TOX3: variants seen among roughly 807,000 people sequenced by gnomAD.
The protein encoded by TOX3 is CAG trinucleotide repeat-containing gene F9 protein.
A neutral mutation model predicts 64.3 loss-of-function variants in TOX3; 22 were observed. That is an observed-to-expected ratio of 0.34 (90% CI 0.24 to 0.49). The LOEUF (loss-of-function observed/expected upper bound fraction) is 0.49. Ranked by LOEUF, TOX3 falls within the 20% of genes least tolerant of loss-of-function variation. The pLI is 0.99. For synonymous variants in TOX3, 291 were observed against 273.6 expected (o/e 1.06, Z -0.63); for missense variants, 661 against 714.4 (o/e 0.93, Z 0.85).
intron 1 of TOX3, among the ~76,000 whole-genome samples, chr16:52,488,537 C>A (rs43143): frequency 6.6e-6 from 1 of 152,128 alleles, no homozygotes; most frequent in East Asian, 1.9e-4. Context: ...TGTTTGGATG[C>A]AATTTTTTCT....
At chr16:52,460,904 G>A (rs1157776683) in intron 3 of TOX3, among the ~76,000 whole-genome samples, 2 of 152,076 alleles carry the variant, frequency 1.3e-5, no homozygotes, top group East Asian at 3.9e-4. Context: ...CTAAATTACA[G>A]AATCAATCAT....
intron 1 of TOX3, among the ~76,000 whole-genome samples, chr16:52,493,185 T>C (rs1961743920): frequency 6.6e-6 from 1 of 152,180 alleles, no homozygotes; most frequent in Non-Finnish European, 1.5e-5. Flanking sequence ...TAGCAGTATT[T>C]CAAGGAACTT....
At chr16:52,491,618 C>G (rs1252345095) in intron 1 of TOX3, among the ~76,000 whole-genome samples, 2 of 152,138 alleles carry the variant, frequency 1.3e-5, no homozygotes, top group African/African-American at 2.4e-5. Flanking sequence ...TTGGACTGAT[C>G]TGCTTGTCCT....
intron 6 of TOX3, among the ~76,000 whole-genome samples, chr16:52,440,676 T>C (rs1463494392): frequency 1.3e-5 from 2 of 152,004 alleles, no homozygotes; most frequent in African/African-American, 2.4e-5. Context: ...CTTTGTGACA[T>C]TGGGCAAGTT....
intron 1 of TOX3, among the ~76,000 whole-genome samples, chr16:52,472,727 A>T (rs1274031895): frequency 1.3e-5 from 2 of 152,346 alleles, no homozygotes; most frequent in East Asian, 3.9e-4. Context: ...TACAAACATT[A>T]TTAAAGAAAT....
In TOX3 at chr16:52,438,564, C is replaced by A. The variant is rs1291995855; in HGVS notation, c.*661G>T. On this transcript the variant is annotated 3_prime_UTR_variant, in exon 7 of 7. Coordinates refer to ENST00000219746, the MANE Select transcript of TOX3 (RefSeq NM_001080430.4). ...CTAACAGTGGTCATAGATATTGTTA[C>A]AACATATACTGTGGTTTGATTTGGA... 6.0e-6 allele frequency: 1 copy of A among 166,674 alleles called. No individual in the cohort carries two copies. Among genetic ancestry groups the A allele is most frequent in the South Asian group, 1.6e-4 (1 of 6,334 alleles). 10.3% of individuals were successfully genotyped at this position (166,674 alleles called of 1,614,324 possible).
At chr16:52,463,876 T>G in intron 3 of TOX3, 58 bp downstream of exon 3, 1 of 1,468,676 alleles carries the variant, frequency 6.8e-7, no homozygotes, top group South Asian at 1.5e-5. Flanking sequence ...CTCTCAGATC[T>G]TTACTATGAT....
chr16:52,456,157 C>T (rs1342726995), intron 3 of TOX3, among the ~76,000 whole-genome samples: 1 of 152,162 alleles, frequency 6.6e-6, no homozygotes, highest in African/African-American at 2.4e-5. Flanking sequence ...GGATTATATT[C>T]ACAGTGTAGA....
At chr16:52,454,033 T>A (rs1248662328) in intron 3 of TOX3, among the ~76,000 whole-genome samples, 1 of 152,210 alleles carries the variant, frequency 6.6e-6, no homozygotes, top group Non-Finnish European at 1.5e-5. Flanking sequence ...CAGATAAGAA[T>A]GATTCCCCAG....
At chr16:52,517,212 A>AGT (rs1962482935) in intron 1 of TOX3, among the ~76,000 whole-genome samples, 1 of 152,192 alleles carries the variant, frequency 6.6e-6, no homozygotes, top group Non-Finnish European at 1.5e-5. Context: ...AATTTCAGAG[A>AGT]GTATCCTAAT....
intron 1 of TOX3, among the ~76,000 whole-genome samples, chr16:52,539,230 G>A (rs1963024866): frequency 6.6e-6 from 1 of 152,164 alleles, no homozygotes; most frequent in Non-Finnish European, 1.5e-5. Flanking sequence ...ATTTAAGAAT[G>A]TTTCCTTCCA....
At chr16:52,455,310 T>A (rs1367959706) in intron 3 of TOX3, among the ~76,000 whole-genome samples, 1 of 152,028 alleles carries the variant, frequency 6.6e-6, no homozygotes, top group African/African-American at 2.4e-5. Context: ...GGAGGGGCAT[T>A]CTGTACATTA....
At chr16:52,525,572 C>A (rs1459642905) in intron 1 of TOX3, among the ~76,000 whole-genome samples, 1 of 152,150 alleles carries the variant, frequency 6.6e-6, no homozygotes, top group East Asian at 1.9e-4. Flanking sequence ...GGGGCATGAA[C>A]TACAAAGGCA....
intron 3 of TOX3, among the ~76,000 whole-genome samples, chr16:52,461,738 C>T (rs572181055): frequency 1.2e-4 from 18 of 152,154 alleles, no homozygotes; most frequent in East Asian, 5.8e-4. Flanking sequence ...GAATGCATGA[C>T]GTATAAAGTA....
intron 1 of TOX3, among the ~76,000 whole-genome samples, chr16:52,476,511 T>C (rs1961212358): frequency 6.6e-6 from 1 of 152,026 alleles, no homozygotes; most frequent in Non-Finnish European, 1.5e-5. Flanking sequence ...TTGCTTTTTT[T>C]TTTAGCAAAA....
intron 1 of TOX3, among the ~76,000 whole-genome samples, chr16:52,480,052 T>C (rs570280174): frequency 3.3e-5 from 5 of 152,356 alleles, no homozygotes; most frequent in Non-Finnish European, 5.9e-5. Context: ...TTTCAGTGTC[T>C]GTCTCCCTGC....
chr16:52,513,268 TAATA>T (rs573142035), intron 1 of TOX3, among the ~76,000 whole-genome samples: 11 of 152,180 alleles, frequency 7.2e-5, no homozygotes, highest in Non-Finnish European at 1.5e-4. Context: ...AAACAACAGG[TAATA>T]CAATGTTACT....
intron 3 of TOX3, among the ~76,000 whole-genome samples, chr16:52,457,293 T>C (rs1282392269): frequency 6.6e-6 from 1 of 152,194 alleles, no homozygotes; most frequent in Non-Finnish European, 1.5e-5. Flanking sequence ...TTATTCTATA[T>C]TATGTGTTTA....
intron 1 of TOX3, among the ~76,000 whole-genome samples, chr16:52,523,654 G>A (rs946199269): frequency 1.3e-5 from 2 of 152,162 alleles, no homozygotes; most frequent in African/African-American, 4.8e-5. Context: ...TTTATTTATG[G>A]GGATTTATAT....
Sources: allele counts gnomAD v4.1 joint callset (sites outside exome capture counted in the v4.1 genomes callset), GRCh38; gene constraint gnomAD v4.1.1; transcripts MANE v1.5; gene names NCBI Gene and HGNC (gene_info 2026-07-23, HGNC 2026-07-21).